The following ADCY8 variants were observed in gnomAD, a reference collection of about 807,000 sequenced individuals.
ADCY8 encodes adenylate cyclase 8.
Under a neutral mutation model 119.7 loss-of-function variants are expected in ADCY8, and 51 were observed. The observed-to-expected ratio is 0.43, with a 90% confidence interval of 0.34 to 0.54. The LOEUF is 0.54. Among genes scored for constraint, ADCY8 ranks in the 20% least tolerant of loss-of-function variants. ADCY8 has a pLI of 0.03. For synonymous variants in ADCY8, 665 were observed against 651.0 expected (o/e 1.02, Z -0.33); for missense variants, 1,383 against 1,598.8 (o/e 0.87, Z 2.30).
intron 1 of ADCY8, among the ~76,000 whole-genome samples, chr8:131,018,581 A>T (rs1256227838): frequency 1.3e-5 from 2 of 152,230 alleles, no homozygotes; most frequent in South Asian, 4.1e-4. Context: ...CAAGCTGCAC[A>T]ATGACAGGTA....
intron 10 of ADCY8, among the ~76,000 whole-genome samples, chr8:130,847,850 T>A (rs1324753247): frequency 6.6e-6 from 1 of 151,910 alleles, no homozygotes; most frequent in Non-Finnish European, 1.5e-5. Flanking sequence ...GGAGAAGAGG[T>A]CTTGGGTAAA....
intron 2 of ADCY8, among the ~76,000 whole-genome samples, chr8:130,971,183 G>T (rs934621760): frequency 2.0e-5 from 3 of 152,162 alleles, no homozygotes; most frequent in South Asian, 4.1e-4. Context: ...AGTGGTCATT[G>T]TCATGTTAAT....
At chr8:130,780,986 A>C in intron 17 of ADCY8, 109 bp from the exon 18 acceptor site, 1 of 1,435,438 alleles carries the variant, frequency 7.0e-7, no homozygotes, top group South Asian at 1.3e-5. Context: ...TCTGTGGATG[A>C]ACGGGAGGGT....
chr8:130,843,213 A>C (rs1231218677), intron 11 of ADCY8, among the ~76,000 whole-genome samples: 1 of 152,156 alleles, frequency 6.6e-6, no homozygotes, highest in African/African-American at 2.4e-5. Context: ...TTTTCTGAAT[A>C]CTCTAACCTA....
At chr8:130,880,677 A>G (rs182330216) in intron 8 of ADCY8, among the ~76,000 whole-genome samples, 23 of 152,324 alleles carry the variant, frequency 1.5e-4, no homozygotes, top group Non-Finnish European at 3.1e-4. Flanking sequence ...CTGGGTAGTG[A>G]AGGAAGATGT....
At chr8:131,026,483 C>T (rs1823828288) in intron 1 of ADCY8, among the ~76,000 whole-genome samples, 1 of 152,160 alleles carries the variant, frequency 6.6e-6, no homozygotes, top group Admixed American at 6.5e-5. Context: ...GGATCTAAAT[C>T]TACCTGGTGG....
intron 1 of ADCY8, among the ~76,000 whole-genome samples, chr8:131,032,899 A>G (rs1824038174): frequency 1.3e-5 from 2 of 152,290 alleles, no homozygotes; most frequent in African/African-American, 4.8e-5. Flanking sequence ...TGGGAAGAAA[A>G]TTCTTTATAT....
chr8:130,855,249 CCAT>C (rs1338485703), intron 9 of ADCY8, among the ~76,000 whole-genome samples: 6 of 151,940 alleles, frequency 3.9e-5, no homozygotes, highest in African/African-American at 1.5e-4. Context: ...AAAGCACCCA[CCAT>C]CTGTTTAGTT....
At chr8:130,823,838 G>C (rs964678494) in intron 12 of ADCY8, among the ~76,000 whole-genome samples, 2 of 152,102 alleles carry the variant, frequency 1.3e-5, no homozygotes, top group Non-Finnish European at 2.9e-5. Context: ...ATACAAAAAA[G>C]TATGTTTACA....
chr8:130,897,629 A>G (rs1819438774), intron 7 of ADCY8, among the ~76,000 whole-genome samples: 1 of 4,388 alleles, frequency 2.3e-4, no homozygotes, highest in South Asian at 5.5e-3. Context: ...TAAAATTTCT[A>G]AATAGCCGTG....
chr8:130,999,734 G>A (rs1453028314), intron 1 of ADCY8, among the ~76,000 whole-genome samples: 1 of 152,162 alleles, frequency 6.6e-6, no homozygotes, highest in Non-Finnish European at 1.5e-5. Context: ...GGATCTCCCC[G>A]AAGCACCCAC....
chr8:131,008,561 T>G (rs1823198373), intron 1 of ADCY8, among the ~76,000 whole-genome samples: 1 of 152,122 alleles, frequency 6.6e-6, no homozygotes. Context: ...CCTCTTTTCT[T>G]TATAAATTAC....
intron 1 of ADCY8, among the ~76,000 whole-genome samples, chr8:131,036,478 T>C (rs1264932172): frequency 6.6e-6 from 1 of 152,190 alleles, no homozygotes; most frequent in Non-Finnish European, 1.5e-5. Context: ...TGACTGTTTG[T>C]TGAGTACCTG....
chr8:130,947,528 C>A (rs953619606), intron 3 of ADCY8, among the ~76,000 whole-genome samples: 1 of 152,334 alleles, frequency 6.6e-6, no homozygotes, highest in South Asian at 2.1e-4. Context: ...AGTTCTCTAG[C>A]TCCATTCAAT....
At chr8:130,889,851 C>A (rs1439328787) in intron 7 of ADCY8, among the ~76,000 whole-genome samples, 1 of 152,132 alleles carries the variant, frequency 6.6e-6, no homozygotes, top group Non-Finnish European at 1.5e-5. Context: ...TGCATTGAAA[C>A]ATGTAGCATC....
At chr8:130,888,663 G>A (rs1170204634) in intron 7 of ADCY8, among the ~76,000 whole-genome samples, 1 of 152,096 alleles carries the variant, frequency 6.6e-6, no homozygotes, top group East Asian at 1.9e-4. Flanking sequence ...TTGCTTGACA[G>A]TTTGGGGGTT....
chr8:130,975,969 A>G (rs979486114), intron 2 of ADCY8, among the ~76,000 whole-genome samples: 6 of 152,180 alleles, frequency 3.9e-5, no homozygotes, highest in Admixed American at 3.3e-4. Flanking sequence ...ATAATTTGTG[A>G]TGGGGGCAGG....
At chr8:130,863,824 C>T (rs966640179) in intron 9 of ADCY8, among the ~76,000 whole-genome samples, 1 of 152,078 alleles carries the variant, frequency 6.6e-6, no homozygotes, top group Non-Finnish European at 1.5e-5. Flanking sequence ...CCACCAAATA[C>T]ATTGTTAATA....
intron 5 of ADCY8, among the ~76,000 whole-genome samples, chr8:130,933,995 C>T (rs1820709057): frequency 6.6e-6 from 1 of 152,138 alleles, no homozygotes; most frequent in Non-Finnish European, 1.5e-5. Flanking sequence ...TTAATTGTTC[C>T]CCTAAAGGAC....
Sources: allele counts gnomAD v4.1 joint callset (sites outside exome capture counted in the v4.1 genomes callset), GRCh38; gene constraint gnomAD v4.1.1; transcripts MANE v1.5; gene names NCBI Gene and HGNC (gene_info 2026-07-23, HGNC 2026-07-21).